KCNS3: variants seen among roughly 807,000 people sequenced by gnomAD.
The protein encoded by KCNS3 is delayed-rectifier potassium channel regulatory subunit KCNS3.
Under a neutral mutation model 31.0 loss-of-function variants are expected in KCNS3, and 13 were observed. The ratio of observed to expected loss-of-function variants is 0.42; its 90% CI spans 0.27 to 0.67. KCNS3 has a LOEUF of 0.67. Among genes scored for constraint, KCNS3 ranks in the 30% least tolerant of loss-of-function variants. The probability of loss-of-function intolerance (pLI) is 0.25; values close to 1 mark genes in which losing one functional copy is unlikely to be tolerated. For synonymous variants in KCNS3, 238 were observed against 241.5 expected (o/e 0.99, Z 0.13); for missense variants, 545 against 622.4 (o/e 0.88, Z 1.32).
intron 1 of KCNS3, among the ~76,000 whole-genome samples, chr2:17,887,862 CCATTCTTG>C (rs1242786110): frequency 1.3e-5 from 2 of 152,106 alleles, no homozygotes; most frequent in African/African-American, 4.8e-5. Flanking sequence ...TTTATTATGG[CCATTCTTG>C]CAGGAGTAAA....
intron 1 of KCNS3, among the ~76,000 whole-genome samples, chr2:17,905,890 G>A (rs12475810): frequency 0.31 from 47,004 of 152,024 alleles, 8,646 homozygotes; most frequent in Non-Finnish European, 0.43. Context: ...TTTTTGCATC[G>A]ATGTTCATCA....
At chr2:17,895,989 T>C (rs1201342147) in intron 1 of KCNS3, among the ~76,000 whole-genome samples, 2 of 152,172 alleles carry the variant, frequency 1.3e-5, no homozygotes, top group Non-Finnish European at 2.9e-5. Flanking sequence ...TGGGAAGCTA[T>C]TGAAGATTTA....
chr2:17,909,326 G>A (rs147817061), intron 1 of KCNS3, among the ~76,000 whole-genome samples: 115 of 152,296 alleles, frequency 7.6e-4, no homozygotes, highest in African/African-American at 2.6e-3. Flanking sequence ...ATTAGGGTGG[G>A]AGTGACCTGA....
chr2:17,911,639 ATT>A (rs1413966049), intron 1 of KCNS3, among the ~76,000 whole-genome samples: 1 of 152,200 alleles, frequency 6.6e-6, no homozygotes, highest in African/African-American at 2.4e-5. Context: ...ATATATTCTC[ATT>A]TACTCTAAAA....
chr2:17,904,837 G>A (rs953853954), intron 1 of KCNS3, among the ~76,000 whole-genome samples: 1 of 152,128 alleles, frequency 6.6e-6, no homozygotes, highest in African/African-American at 2.4e-5. Flanking sequence ...TTTGGTACCA[G>A]TACCATGCTG....
At position 17,903,704 on chromosome 2, in the gene KCNS3, G is replaced by A. The variant is rs186116682; in HGVS notation, c.-251-13976G>A. ...TTCCCACCTATGAGTGAGAACATGC[G>A]GTGTTTGGTTTTTTGTCCTTGTGAC... On this transcript the variant is annotated intron_variant, in intron 1 of 2. Transcript: ENST00000304101. 3.1e-3 allele frequency among the ~76,000 whole-genome samples: 478 copies of A among 151,834 alleles called. 2 individuals are homozygous for A. The highest frequency in any genetic ancestry group is 0.011 in the African/African-American group (452 of 41,388).
At chr2:17,882,562 C>T (rs1674666775) in intron 1 of KCNS3, among the ~76,000 whole-genome samples, 1 of 152,174 alleles carries the variant, frequency 6.6e-6, no homozygotes, top group Admixed American at 6.5e-5. Flanking sequence ...GTTTGAATTT[C>T]ATCCTGGACC....
chr2:17,905,759 A>C (rs187938032), intron 1 of KCNS3, among the ~76,000 whole-genome samples: 2 of 152,194 alleles, frequency 1.3e-5, no homozygotes, highest in Non-Finnish European at 2.9e-5. Context: ...ATGCTGGATT[A>C]CGTTTATTGA....
chr2:17,904,072 C>A (rs1462202087), intron 1 of KCNS3, among the ~76,000 whole-genome samples: 1 of 152,184 alleles, frequency 6.6e-6, no homozygotes, highest in East Asian at 1.9e-4. Flanking sequence ...ACAGTCCCAC[C>A]AACAGTGTAA....
chr2:17,915,465 C>T (rs752985533), intron 1 of KCNS3, among the ~76,000 whole-genome samples: 1 of 152,116 alleles, frequency 6.6e-6, no homozygotes, highest in Non-Finnish European at 1.5e-5. Flanking sequence ...CCCCCCAATC[C>T]CTGCTTGACC....
intron 1 of KCNS3, among the ~76,000 whole-genome samples, chr2:17,907,358 C>T (rs946670853): frequency 6.6e-6 from 1 of 152,172 alleles, no homozygotes; most frequent in Non-Finnish European, 1.5e-5. Flanking sequence ...TGTGTCTCTG[C>T]ACGTGAGATG....
intron 1 of KCNS3, among the ~76,000 whole-genome samples, chr2:17,894,479 A>G (rs1011933167): frequency 2.6e-5 from 4 of 152,226 alleles, no homozygotes; most frequent in African/African-American, 9.6e-5. Context: ...ACAGTCCTCC[A>G]CAAACCCTGT....
intron 1 of KCNS3, among the ~76,000 whole-genome samples, chr2:17,900,710 G>A (rs556005163): frequency 6.6e-6 from 1 of 152,110 alleles, no homozygotes; most frequent in Non-Finnish European, 1.5e-5. Flanking sequence ...GGCTGGTTTC[G>A]AACTCCTGAC....
intron 1 of KCNS3, among the ~76,000 whole-genome samples, chr2:17,905,538 C>A (rs993894222): frequency 7.2e-5 from 11 of 152,240 alleles, no homozygotes; most frequent in Admixed American, 3.3e-4. Flanking sequence ...TGTCTTGTGC[C>A]AGTTTTCAAA....
intron 1 of KCNS3, among the ~76,000 whole-genome samples, chr2:17,900,496 T>TA (rs1465065140): frequency 1.3e-5 from 2 of 152,064 alleles, no homozygotes; most frequent in East Asian, 3.9e-4. Flanking sequence ...TCATTAATTT[T>TA]ATTTTTGGTG....
intron 1 of KCNS3, among the ~76,000 whole-genome samples, chr2:17,897,669 T>C (rs1558449856): frequency 6.6e-6 from 1 of 152,222 alleles, no homozygotes; most frequent in Admixed American, 6.5e-5. Context: ...AGATTCTGGA[T>C]GTTAGTCTTC....
At chr2:17,911,790 A>G (rs1662476822) in intron 1 of KCNS3, among the ~76,000 whole-genome samples, 1 of 152,210 alleles carries the variant, frequency 6.6e-6, no homozygotes. Context: ...TTGAAGAATT[A>G]TTGTTTGGAT....
intron 1 of KCNS3, among the ~76,000 whole-genome samples, chr2:17,910,655 A>T (rs925349623): frequency 3.3e-5 from 5 of 151,248 alleles, no homozygotes; most frequent in East Asian, 1.9e-4. Flanking sequence ...TAAATGTTCT[A>T]GGAAGAGCAG....
intron 1 of KCNS3, among the ~76,000 whole-genome samples, chr2:17,910,448 A>T (rs1390909294): frequency 6.6e-6 from 1 of 152,030 alleles, no homozygotes; most frequent in East Asian, 1.9e-4. Context: ...TTCAACACAG[A>T]CCCCCTACTC....
Sources: gnomAD v4.1 joint callset for allele counts (sites outside exome capture counted in the v4.1 genomes callset) on GRCh38, gnomAD v4.1.1 for gene constraint, MANE v1.5 for transcripts, NCBI Gene and HGNC (gene_info 2026-07-23, HGNC 2026-07-21) for gene names.